TRIP11: variants seen among roughly 807,000 people sequenced by gnomAD.
TRIP11 encodes the protein thyroid receptor-interacting protein 11.
A neutral mutation model predicts 223.1 loss-of-function variants in TRIP11; 148 were observed. That is an observed-to-expected ratio of 0.66 (90% CI 0.58 to 0.76). The LOEUF (loss-of-function observed/expected upper bound fraction) is 0.76. TRIP11 is among the 30% of genes least tolerant of loss of function. The pLI is 0.00. For synonymous variants in TRIP11, 762 were observed against 772.6 expected, an observed-to-expected ratio of 0.99 and a Z score of 0.23; for missense variants, 2,043 against 2,222.0, an observed-to-expected ratio of 0.92 and a Z score of 1.62.
chr14:91,986,178 A>G (rs1566848363), intron 16 of TRIP11, among the ~76,000 whole-genome samples: 4 of 152,206 alleles, frequency 2.6e-5, no homozygotes, highest in Admixed American at 1.3e-4. Context: ...TACGTTTACA[A>G]TGAATATTAG....
rs2056791602 is a variant in TRIP11 at position 91,999,355 on chromosome 14, C to A, written c.4777G>T (p.Asp1593Tyr). Reference sequence around the variant, plus strand: ...GCCAAAGCTTCACGGGTATAAGAATCTTCTGATTCTAAAAGATGATTACGC... The same window carrying A: ...GCCAAAGCTTCACGGGTATAAGAATATTCTGATTCTAAAAGATGATTACGC... Reference protein sequence around the residue: ...RLRNHLLESEDSYTREALAAE... With the variant: ...RLRNHLLESEYSYTREALAAE... The change falls in exon 13 of 21, where the codon GAT (aspartate) becomes TAT (tyrosine). Residue 1593 changes from aspartate to tyrosine, a missense_variant. Coordinates refer to ENST00000267622, the MANE Select transcript of TRIP11 (RefSeq NM_004239.4). The A allele has an allele frequency of 6.2e-7, 1 of 1,613,906 alleles. No individual in the cohort carries two copies. The highest frequency in any genetic ancestry group is 8.5e-7 in the Non-Finnish European group (1 of 1,179,906).
intron 16 of TRIP11, among the ~76,000 whole-genome samples, chr14:91,982,870 T>G (rs1185894666): frequency 6.6e-6 from 1 of 152,158 alleles, no homozygotes; most frequent in Middle Eastern, 3.2e-3. Context: ...AGATTCTTAT[T>G]TCCACACGGC....
chr14:92,009,115 T>G (rs1394373145), intron 9 of TRIP11, among the ~76,000 whole-genome samples: 1 of 152,254 alleles, frequency 6.6e-6, no homozygotes, highest in African/African-American at 2.4e-5. Context: ...TAAAGTTATC[T>G]GTTCAAATTA....
chr14:92,016,095 A>C (rs190968616), intron 5 of TRIP11, among the ~76,000 whole-genome samples: 65 of 152,342 alleles, frequency 4.3e-4, no homozygotes, highest in Non-Finnish European at 8.1e-4. Flanking sequence ...CATCAGCAAG[A>C]AAAGGCTAAA....
Position 91,993,883 on chromosome 14 carries a change from C to T in TRIP11, c.5086G>A (p.Glu1696Lys), listed in dbSNP as rs80200454. The change falls in exon 15 of 21, where the codon GAA becomes AAA. Residue 1696 changes from glutamate (E) to lysine (K), a missense_variant. Physicochemically the swap from Glu to Lys is moderately conservative, Grantham distance 56 (BLOSUM62 1). Coordinates refer to ENST00000267622, the MANE Select transcript of TRIP11 (RefSeq NM_004239.4). ...EEKAMYSAEL[E>K]KQKQLIAEWK... ...TCAGCTATAAGCTGTTTTTGCTTTT[C>T]GAGTTCAGCAGAATACATAGCTTTT... The T allele has an allele frequency of 8.2e-3, 13,227 of 1,613,250 alleles. 462 individuals are homozygous for T. In the East Asian group the frequency reaches 0.088, roughly 11 times the overall value.
At chr14:92,026,006 T>C (rs149995181) in intron 2 of TRIP11, among the ~76,000 whole-genome samples, 2 of 152,340 alleles carry the variant, frequency 1.3e-5, no homozygotes, top group East Asian at 3.9e-4. Flanking sequence ...CGAATCAATG[T>C]TTCCCCATCT....
intron 19 of TRIP11, among the ~76,000 whole-genome samples, chr14:91,973,856 C>G (rs1437210460): frequency 6.6e-6 from 1 of 152,114 alleles, no homozygotes. Flanking sequence ...GAAACCCAGT[C>G]TCCACTAAAA....
intron 20 of TRIP11, among the ~76,000 whole-genome samples, chr14:91,971,066 T>A (rs1276921632): frequency 6.6e-6 from 1 of 152,204 alleles, no homozygotes; most frequent in East Asian, 1.9e-4. Context: ...TTCTATGAAG[T>A]TGGGCTAATA....
chr14:92,007,061 T>C (rs2056914096), intron 10 of TRIP11, among the ~76,000 whole-genome samples: 1 of 150,956 alleles, frequency 6.6e-6, no homozygotes, highest in Admixed American at 6.6e-5. Flanking sequence ...AGAGTCGCTC[T>C]GTTGCCCAGG....
rs1234351485 is a variant in TRIP11, at chr14:92,017,537, T to G, written c.657+145A>C. On this transcript the variant is annotated intron_variant, in intron 5 of 20. Transcript: ENST00000267622. ...CTCCAGCCAGGGCAACACAGTGAGA[T>G]CCTATCTCTAAAAGAAAAAGAAGTA... is the stretch of plus-strand genomic sequence containing the variant. 6.0e-6 allele frequency: 4 copies of G among 662,508 alleles called. No homozygotes were observed. The South Asian group carries it at 7.4e-5, about 12-fold the overall frequency. The allele number at this position is 662,508 out of a possible 1,614,324, so 41.0% of individuals were successfully genotyped here.
At chr14:91,984,099 T>C (rs934733433) in intron 16 of TRIP11, among the ~76,000 whole-genome samples, 2 of 151,566 alleles carry the variant, frequency 1.3e-5, no homozygotes, top group Non-Finnish European at 1.5e-5. Context: ...TTCAACCTTC[T>C]TAAAAAAAAA....
At chr14:92,031,142 T>C (rs1459717682) in intron 2 of TRIP11, among the ~76,000 whole-genome samples, 3 of 152,114 alleles carry the variant, frequency 2.0e-5, no homozygotes, top group Non-Finnish European at 4.4e-5. Flanking sequence ...TACTTATTTA[T>C]TGGAGATGGA....
intron 2 of TRIP11, 66 bp from the exon 3 acceptor site, chr14:92,025,486 G>A (rs1305511388): frequency 8.7e-7 from 1 of 1,154,054 alleles, no homozygotes; most frequent in South Asian, 1.3e-5. Flanking sequence ...TATGTGCACA[G>A]CATTATGAAA....
chr14:92,024,350 G>A lies in TRIP11; in HGVS notation c.312+960C>T, dbSNP rs1372868506. The stretch of plus-strand genomic sequence containing the variant: ...TGCACCACTGCACTTCAGCCTGGGC[G>A]ACAGAGCAAGACTCTGTCTCAAAAA... On this transcript the variant is annotated intron_variant, in intron 3 of 20. Coordinates refer to ENST00000267622, the MANE Select transcript of TRIP11 (RefSeq NM_004239.4). 8.3e-5 allele frequency among the ~76,000 whole-genome samples: 12 copies of A among 145,350 alleles called. No individual in the cohort carries two copies. The Admixed American group carries it at 8.3e-4, about 10-fold the overall frequency.
At chr14:92,039,365 C>T (rs1234258101) in intron 1 of TRIP11, among the ~76,000 whole-genome samples, 182 bp downstream of exon 1, 1 of 152,124 alleles carries the variant, frequency 6.6e-6, no homozygotes, top group Non-Finnish European at 1.5e-5. Flanking sequence ...TCCCCTGGCC[C>T]CCAGTGGTCT....
At chr14:91,988,167 G>A (rs1165937449) in intron 16 of TRIP11, 117 bp downstream of exon 16, 1 of 752,958 alleles carries the variant, frequency 1.3e-6, no homozygotes, top group Non-Finnish European at 2.3e-6. Flanking sequence ...AGATACAAAT[G>A]GAAGTCACAC....
intron 7 of TRIP11, among the ~76,000 whole-genome samples, chr14:92,013,980 G>T (rs2057005705): frequency 6.6e-6 from 1 of 152,208 alleles, no homozygotes; most frequent in Non-Finnish European, 1.5e-5. Context: ...GATGTGGGCT[G>T]TGATGAGTTA....
intron 9 of TRIP11, among the ~76,000 whole-genome samples, chr14:92,010,156 A>T (rs942882915): frequency 6.6e-6 from 1 of 152,234 alleles, no homozygotes; most frequent in Non-Finnish European, 1.5e-5. Flanking sequence ...TCCCTTTCAG[A>T]ATCTTATTCC....
At chr14:91,981,015 T>TTTC (rs2056535989) in intron 16 of TRIP11, among the ~76,000 whole-genome samples, 1 of 55,840 alleles carries the variant, frequency 1.8e-5, no homozygotes, top group Non-Finnish European at 4.1e-5. Context: ...TATATATATT[T>TTTC]TTTTTTTTTT....
Sources: allele counts gnomAD v4.1 joint callset (sites outside exome capture counted in the v4.1 genomes callset), GRCh38; gene constraint gnomAD v4.1.1; transcripts MANE v1.5; gene names NCBI Gene and HGNC (gene_info 2026-07-23, HGNC 2026-07-21).